Variants in WWOX observed in about 807,000 individuals in gnomAD.
WWOX encodes WW domain-containing oxidoreductase.
A neutral mutation model predicts 46.2 loss-of-function variants in WWOX; 69 were observed. The ratio of observed to expected loss-of-function variants is 1.49; its 90% CI spans 1.23 to 1.82. WWOX has a LOEUF of 1.82. WWOX is among the 40% of genes most tolerant of loss of function. WWOX has a pLI of 0.00. For missense variants in WWOX, 919 were observed against 542.6 expected, an observed-to-expected ratio of 1.69 and a Z score of -6.89; for synonymous variants, 359 against 202.6, an observed-to-expected ratio of 1.77 and a Z score of -6.56.
chr16:78,949,818 T>G (rs1597193796), intron 8 of WWOX, among the ~76,000 whole-genome samples: 1 of 152,222 alleles, frequency 6.6e-6, no homozygotes, highest in Admixed American at 6.5e-5. Context: ...GTGGGAGAAA[T>G]CTCCGTTGTA....
intron 8 of WWOX, among the ~76,000 whole-genome samples, chr16:79,139,585 T>C (rs1026271385): frequency 2.6e-5 from 4 of 152,242 alleles, no homozygotes; most frequent in Admixed American, 6.5e-5. Context: ...TTTTTCTTTT[T>C]TCTTTTCTTT....
At chr16:78,137,073 TG>T (rs2033819974) in intron 4 of WWOX, among the ~76,000 whole-genome samples, 2 of 152,110 alleles carry the variant, frequency 1.3e-5, no homozygotes, top group Admixed American at 1.3e-4. Flanking sequence ...TCAGCTCCCT[TG>T]AGCAGGAATA....
Position 78,415,745 on chromosome 16 carries a change from C to G in WWOX, c.606-9125C>G, listed in dbSNP as rs551843864. 3.3e-5 allele frequency among the ~76,000 whole-genome samples: 5 copies of G among 152,308 alleles called. No individual in the cohort carries two copies. In the East Asian group the frequency reaches 9.6e-4, roughly 29 times the overall value. ...TTGCAGTAGGAAGTGCCACCTCACT[C>G]CACTCTTGCCAGAAAGCCTGGCTCT... is the stretch of plus-strand genomic sequence containing the variant. On this transcript the variant is annotated intron_variant, in intron 6 of 8. Coordinates refer to ENST00000566780, the MANE Select transcript of WWOX (RefSeq NM_016373.4).
Position 78,352,077 on chromosome 16 carries a change from G to A in WWOX, c.517-34783G>A, listed in dbSNP as rs1035306546. ...AGTAGAGAGTGGTGGAGATGGTGGC[G>A]CACAAGAGGGTCAGTGCCCCATCTC... On this transcript the variant is annotated intron_variant, in intron 5 of 8. Transcript: ENST00000566780. 7.2e-5 allele frequency among the ~76,000 whole-genome samples: 11 copies of A among 152,156 alleles called. No homozygotes were observed. In the South Asian group the frequency reaches 1.0e-3, roughly 14 times the overall value.
intron 8 of WWOX, among the ~76,000 whole-genome samples, chr16:78,495,116 T>C (rs940158773): frequency 9.2e-5 from 14 of 151,582 alleles, no homozygotes; most frequent in Admixed American, 3.3e-4. Context: ...AGAAAAGATA[T>C]AGAAAGATTA....
At chr16:79,019,594 C>T (rs2047490455) in intron 8 of WWOX, among the ~76,000 whole-genome samples, 1 of 151,926 alleles carries the variant, frequency 6.6e-6, no homozygotes, top group African/African-American at 2.4e-5. Flanking sequence ...AAGCAGAAAG[C>T]AAGCAAGCTG....
intron 8 of WWOX, among the ~76,000 whole-genome samples, chr16:78,955,601 T>G (rs1268697496): frequency 2.0e-5 from 3 of 151,806 alleles, no homozygotes; most frequent in Admixed American, 6.6e-5. Flanking sequence ...TTTAACTTTA[T>G]TTTTTATATT....
chr16:78,889,863 C>G (rs2044550099), intron 8 of WWOX, among the ~76,000 whole-genome samples: 1 of 152,128 alleles, frequency 6.6e-6, no homozygotes, highest in African/African-American at 2.4e-5. Context: ...TGGAGAAAGT[C>G]CATAGTTTAT....
intron 8 of WWOX, among the ~76,000 whole-genome samples, chr16:78,466,297 C>G (rs896871444): frequency 1.3e-5 from 2 of 152,064 alleles, no homozygotes; most frequent in African/African-American, 2.4e-5. Context: ...TCCCAAAGTG[C>G]TGGGATTACA....
rs540015873 is a variant in WWOX, at chr16:78,268,946, G to C, written c.516+104657G>C. ...CTGAGGCAACCATGATTAGTATTTT[G>C]TACTTCTTGTACATCCTCCTTCATG... On this transcript the variant is annotated intron_variant, in intron 5 of 8. Transcript: ENST00000566780. Among the ~76,000 whole-genome samples, 537 of 151,700 alleles carry C rather than the reference G, an allele frequency of 3.5e-3. 1 individual carries two copies. Among genetic ancestry groups the C allele is most frequent in the African/African-American group, 0.012 (505 of 41,322 alleles).
intron 8 of WWOX, among the ~76,000 whole-genome samples, chr16:78,657,799 T>C (rs575012006): frequency 1.3e-5 from 2 of 152,350 alleles, no homozygotes; most frequent in East Asian, 3.9e-4. Context: ...TCCTTTTTTA[T>C]TAAAACAGGT....
intron 4 of WWOX, among the ~76,000 whole-genome samples, chr16:78,144,450 C>CATATATATATATATAT (rs1555543045): frequency 8.0e-5 from 2 of 24,926 alleles, no homozygotes; most frequent in African/African-American, 1.2e-4. Flanking sequence ...TATATATACA[C>CATATATATATATATAT]ATATATATAT....
chr16:78,819,463 T>C (rs1004501360), intron 8 of WWOX, among the ~76,000 whole-genome samples: 1 of 152,230 alleles, frequency 6.6e-6, no homozygotes, highest in African/African-American at 2.4e-5. Flanking sequence ...ACCTGGAAGT[T>C]ACCACCCTTT....
intron 8 of WWOX, among the ~76,000 whole-genome samples, chr16:78,985,051 G>T (rs1463769525): frequency 2.6e-5 from 4 of 152,120 alleles, no homozygotes; most frequent in Admixed American, 1.3e-4. Flanking sequence ...CCTCCACCCC[G>T]CTCTGTCAGG....
At chr16:79,026,554 G>A (rs932449528) in intron 8 of WWOX, among the ~76,000 whole-genome samples, 3 of 149,748 alleles carry the variant, frequency 2.0e-5, no homozygotes, top group East Asian at 3.9e-4. Context: ...AATCATGCCT[G>A]CTTTTCTGCA....
intron 4 of WWOX, among the ~76,000 whole-genome samples, chr16:78,155,102 C>G (rs980240148): frequency 6.6e-6 from 1 of 152,038 alleles, no homozygotes; most frequent in Non-Finnish European, 1.5e-5. Context: ...ACACATCTAG[C>G]TTTTGGACCT....
At chr16:79,021,441 C>T (rs535596392) in intron 8 of WWOX, among the ~76,000 whole-genome samples, 1 of 152,204 alleles carries the variant, frequency 6.6e-6, no homozygotes, top group South Asian at 2.1e-4. Flanking sequence ...CACGGGATCA[C>T]AGAGGAAACC....
intron 5 of WWOX, among the ~76,000 whole-genome samples, chr16:78,185,758 C>A (rs2035680379): frequency 6.6e-6 from 1 of 152,112 alleles, no homozygotes; most frequent in Admixed American, 6.5e-5. Context: ...TCTCCATCTC[C>A]CAGGTTCAAG....
At chr16:79,111,512 T>A (rs1305241997) in intron 8 of WWOX, among the ~76,000 whole-genome samples, 1 of 152,196 alleles carries the variant, frequency 6.6e-6, no homozygotes, top group Non-Finnish European at 1.5e-5. Flanking sequence ...TTTAAATTCA[T>A]AATGAATAGT....
Sources: allele counts gnomAD v4.1 joint callset (sites outside exome capture counted in the v4.1 genomes callset), GRCh38; gene constraint gnomAD v4.1.1; transcripts MANE v1.5; gene names NCBI Gene and HGNC (gene_info 2026-07-23, HGNC 2026-07-21).